The following CNTLN variants were observed in gnomAD, a reference collection of about 807,000 sequenced individuals.
The protein encoded by CNTLN is centlein, centrosomal protein.
Under a neutral mutation model 180.0 loss-of-function variants are expected in CNTLN, and 212 were observed. The observed-to-expected ratio is 1.18, with a 90% CI of 1.05 to 1.32. The LOEUF (loss-of-function observed/expected upper bound fraction) is 1.32. Ranked by LOEUF, CNTLN falls within the 40% of genes most tolerant of loss-of-function variation. The pLI is 0.00. For synonymous variants in CNTLN, 722 were observed against 563.1 expected (o/e 1.28, Z -3.99); for missense variants, 2,095 against 1,610.9 (o/e 1.30, Z -5.14).
At chr9:17,340,765 T>A (rs894140782) in intron 10 of CNTLN, 62 bp from the exon 11 acceptor site, 8 of 1,408,378 alleles carry the variant, frequency 5.7e-6, no homozygotes, top group African/African-American at 1.5e-5. Flanking sequence ...AACCTTTTAT[T>A]TGAAACATTA....
chr9:17,380,787 A>G (rs1045940397), intron 13 of CNTLN, among the ~76,000 whole-genome samples: 3 of 152,210 alleles, frequency 2.0e-5, no homozygotes, highest in Non-Finnish European at 2.9e-5. Flanking sequence ...TCATTCATAA[A>G]CAATAGCAAG....
At chr9:17,226,402 G>T (rs1412044128) in intron 3 of CNTLN, 115 bp downstream of exon 3, 2 of 510,648 alleles carry the variant, frequency 3.9e-6, no homozygotes, top group South Asian at 7.7e-5. Context: ...GGGTCCTTAT[G>T]TTAAAGCATT....
chr9:17,368,949 A>C (rs1263025986), intron 13 of CNTLN, among the ~76,000 whole-genome samples: 1 of 152,222 alleles, frequency 6.6e-6, no homozygotes, highest in African/African-American at 2.4e-5. Flanking sequence ...TGCAAAGACA[A>C]AAATAAATAT....
chr9:17,260,802 G>C lies in CNTLN; in HGVS notation c.850-12931G>C, dbSNP rs141573635. Reference sequence around the variant, plus strand: ...TGGTATTGCCTAGGTGGTCTTCAAAGGTTTTTTTAGCTTTTGTTTTCATAT... The same window carrying C: ...TGGTATTGCCTAGGTGGTCTTCAAACGTTTTTTTAGCTTTTGTTTTCATAT... On this transcript the variant is annotated intron_variant, in intron 5 of 25. Transcript: ENST00000380647. Among the ~76,000 whole-genome samples, 3 of 151,412 alleles carry C rather than the reference G, an allele frequency of 2.0e-5. No individual in the cohort carries two copies. The East Asian group carries it at 5.8e-4, about 29-fold the overall frequency.
the CNTLN span, among the ~76,000 whole-genome samples, chr9:17,523,733 T>C: frequency 6.6e-6 from 1 of 152,322 alleles, no homozygotes; most frequent in East Asian, 1.9e-4. Context: ...TCTCTGAGAC[T>C]TCTAGAACTT....
At chr9:17,475,985 T>A (rs1319295318) in intron 23 of CNTLN, among the ~76,000 whole-genome samples, 3 of 152,178 alleles carry the variant, frequency 2.0e-5, no homozygotes, top group Non-Finnish European at 4.4e-5. Flanking sequence ...TTTTACAAAT[T>A]GAAGATTTGT....
chr9:17,212,509 A>G (rs1372059883), intron 2 of CNTLN, among the ~76,000 whole-genome samples: 6 of 152,082 alleles, frequency 3.9e-5, no homozygotes, highest in Admixed American at 3.3e-4. Flanking sequence ...TATTGGTCTA[A>G]AATTCTCCTT....
chr9:17,333,567 T>C (rs1260514595), intron 10 of CNTLN, among the ~76,000 whole-genome samples: 3 of 152,190 alleles, frequency 2.0e-5, no homozygotes, highest in Non-Finnish European at 4.4e-5. Flanking sequence ...GAGATAAATG[T>C]TCAGTTTAGA....
At chr9:17,237,528 C>T (rs549238711) in intron 5 of CNTLN, among the ~76,000 whole-genome samples, 1 of 150,176 alleles carries the variant, frequency 6.7e-6, no homozygotes, top group Admixed American at 6.6e-5. Flanking sequence ...TTAAAAAAAA[C>T]AAGTAAAAGA....
At chr9:17,370,938 C>T (rs1587807547) in intron 13 of CNTLN, among the ~76,000 whole-genome samples, 1 of 151,818 alleles carries the variant, frequency 6.6e-6, no homozygotes, top group East Asian at 1.9e-4. Context: ...AACCTCAAAT[C>T]AAAAACCATA....
intron 7 of CNTLN, among the ~76,000 whole-genome samples, chr9:17,305,480 A>G (rs1449787547): frequency 6.6e-6 from 1 of 151,916 alleles, no homozygotes; most frequent in African/African-American, 2.4e-5. Context: ...AATGCAGATG[A>G]ATGAATTTAT....
chr9:17,208,257 T>C (rs1467237433), intron 2 of CNTLN, among the ~76,000 whole-genome samples: 1 of 152,218 alleles, frequency 6.6e-6, no homozygotes, highest in Non-Finnish European at 1.5e-5. Flanking sequence ...ATTATGTTGA[T>C]AGGATATATC....
chr9:17,245,217 G>A (rs138286105), intron 5 of CNTLN, among the ~76,000 whole-genome samples: 11 of 151,616 alleles, frequency 7.3e-5, no homozygotes, highest in South Asian at 6.2e-4. Flanking sequence ...TTTTTTTAGC[G>A]TTCCTTGTAG....
the CNTLN span, among the ~76,000 whole-genome samples, chr9:17,516,801 C>G: frequency 3.3e-5 from 5 of 152,072 alleles, no homozygotes; most frequent in Admixed American, 2.6e-4. Context: ...TTTGAGGTAG[C>G]ATTTTCTGAG....
chr9:17,235,689 A>G lies in CNTLN; in HGVS notation c.566A>G (p.Asp189Gly), dbSNP rs757029709. The G allele has an allele frequency of 3.1e-6, 5 of 1,608,288 alleles. No homozygotes were observed. In the Middle Eastern group the frequency reaches 5.0e-4, roughly 160 times the overall value. The change falls in exon 4 of 26, where the codon GAC becomes GGC. Residue 189 changes from aspartate (D) to glycine (G), a missense_variant. Transcript: ENST00000380647. ...TCAGTACTGAAACAGGAAATAAATG[A>G]CCTTGTAAAACGGAAAATTGCAGTA... Reference protein sequence around the residue: ...RESVLKQEINDLVKRKIAVDE... With the variant: ...RESVLKQEINGLVKRKIAVDE...
chr9:17,257,104 C>A (rs1357744323), intron 5 of CNTLN, among the ~76,000 whole-genome samples: 2 of 151,990 alleles, frequency 1.3e-5, no homozygotes, highest in African/African-American at 2.4e-5. Context: ...TTAGGTATAT[C>A]TCCTAATGCT....
At chr9:17,296,219 T>G (rs1489249218) in intron 6 of CNTLN, among the ~76,000 whole-genome samples, 1 of 152,058 alleles carries the variant, frequency 6.6e-6, no homozygotes, top group Non-Finnish European at 1.5e-5. Flanking sequence ...CAGGCTGGTC[T>G]CGAACTCCTG....
At chr9:17,391,848 C>G (rs1826138816) in intron 14 of CNTLN, among the ~76,000 whole-genome samples, 1 of 152,036 alleles carries the variant, frequency 6.6e-6, no homozygotes, top group African/African-American at 2.4e-5. Context: ...TTTATGATCA[C>G]ATTTAATACT....
intron 25 of CNTLN, among the ~76,000 whole-genome samples, chr9:17,494,450 T>C (rs1346494428): frequency 2.0e-5 from 3 of 152,128 alleles, no homozygotes; most frequent in Non-Finnish European, 4.4e-5. Context: ...GTTTGTTGTA[T>C]AGATTATTTC....
Sources: gnomAD v4.1 joint callset for allele counts (sites outside exome capture counted in the v4.1 genomes callset) on GRCh38, gnomAD v4.1.1 for gene constraint, MANE v1.5 for transcripts, NCBI Gene and HGNC (gene_info 2026-07-23, HGNC 2026-07-21) for gene names.